SHROOM3: variants seen among roughly 807,000 people sequenced by gnomAD.
SHROOM3 encodes the protein shroom family member 3.
In SHROOM3, 47 loss-of-function variants were observed where a neutral mutation model predicts 138.6. That is an observed-to-expected ratio of 0.34 (90% confidence interval 0.27 to 0.43). The LOEUF (loss-of-function observed/expected upper bound fraction) is 0.43, where lower values mean the gene tolerates loss of function less well. SHROOM3 is among the 20% of genes least tolerant of loss of function. The pLI, the probability that SHROOM3 is intolerant of heterozygous loss-of-function variation, is 1.00. For synonymous variants in SHROOM3, 1,062 were observed against 1,063.3 expected, an observed-to-expected ratio of 1.00 and a Z score of 0.02; for missense variants, 2,491 against 2,596.5, an observed-to-expected ratio of 0.96 and a Z score of 0.88.
At chr4:76,497,161 T>C (rs1731985846) in intron 1 of SHROOM3, among the ~76,000 whole-genome samples, 1 of 152,240 alleles carries the variant, frequency 6.6e-6, no homozygotes, top group South Asian at 2.1e-4. Flanking sequence ...AAATAACTTC[T>C]TACTCACTTT....
At chr4:76,613,832 A>G (rs1009451364) in intron 2 of SHROOM3, among the ~76,000 whole-genome samples, 1 of 152,118 alleles carries the variant, frequency 6.6e-6, no homozygotes, top group Non-Finnish European at 1.5e-5. Flanking sequence ...ACAACACAAT[A>G]TCACTTTTGC....
In SHROOM3 at chr4:76,630,011, T is replaced by C. The variant is rs189930324; in HGVS notation, c.323+74248T>C. On this transcript the variant is annotated intron_variant, in intron 2 of 10. Coordinates refer to ENST00000296043, the MANE Select transcript of SHROOM3 (RefSeq NM_020859.4). ...TCCCGTCTCAAGAAGTTGCAGCCAA[T>C]GACACAGGACTCAGTCTAGTCCTCT... is the stretch of plus-strand genomic sequence containing the variant. Among the ~76,000 whole-genome samples, 196 of 152,276 alleles carry C rather than the reference T, an allele frequency of 1.3e-3. 1 individual carries two copies. The highest frequency in any genetic ancestry group is 3.3e-3 in the Admixed American group (51 of 15,292).
rs527467175 is a variant in SHROOM3 at position 76,754,379 on chromosome 4, G to T, written c.3896G>T (p.Trp1299Leu). 5.0e-6 allele frequency: 8 copies of T among 1,614,124 alleles called. No homozygotes were observed. The highest frequency in any genetic ancestry group is 1.3e-5 in the African/African-American group (1 of 75,028). The change falls in exon 7 of 11, where the codon TGG becomes TTG. Residue 1299 changes from tryptophan to leucine, a missense_variant. Around this residue, in one of 4 missense-constraint regions of SHROOM3, gnomAD observed 1,733 missense variants for 1,661.6 expected, o/e 1.04. Coordinates refer to ENST00000296043, the MANE Select transcript of SHROOM3 (RefSeq NM_020859.4). ...CTCTTCCACCATCTCACCCCTCGTT[G>T]GGGTGGTTCAGGCTGCAAAGCCATT... ...LPLFHHLTPR[W>L]GGSGCKAIGD... is the part of the protein sequence containing the mutation.
intron 4 of SHROOM3, among the ~76,000 whole-genome samples, chr4:76,737,026 G>C (rs1413437505): frequency 6.6e-6 from 1 of 152,166 alleles, no homozygotes; most frequent in East Asian, 1.9e-4. Flanking sequence ...CATCATTATA[G>C]TATCGTACAG....
intron 1 of SHROOM3, among the ~76,000 whole-genome samples, chr4:76,466,906 C>T (rs1463645389): frequency 6.6e-6 from 1 of 152,004 alleles, no homozygotes; most frequent in Non-Finnish European, 1.5e-5. Context: ...AAGTAAAATA[C>T]TAATAAAATA....
In SHROOM3 at chr4:76,549,210, T is replaced by C. The variant is rs535236029; in HGVS notation, c.169-6399T>C. On this transcript the variant is annotated intron_variant, in intron 1 of 10. Transcript: ENST00000296043. ...GTGGATAATTGGTACAAACTTACGA[T>C]GTATGCATTTAGTTAGCCTCAGTAC... Among the ~76,000 whole-genome samples, 66 of 152,320 alleles carry C rather than the reference T, an allele frequency of 4.3e-4. 2 individuals are homozygous for C. Among genetic ancestry groups the C allele is most frequent in the African/African-American group, 1.5e-3 (64 of 41,568 alleles).
Position 76,742,133 on chromosome 4 carries a change from G to A in SHROOM3, c.3753+207G>A, listed in dbSNP as rs547125490. On this transcript the variant is annotated intron_variant, in intron 5 of 10. Transcript: ENST00000296043. ...ATAAAGATATAGGTATCTAGATTAC[G>A]TATGTTGTTATACAGATTCTCTATC... 83 of 694,660 alleles carry A rather than the reference G, an allele frequency of 1.2e-4. 6 individuals carry two copies. In the Middle Eastern group the frequency reaches 0.016, roughly 138 times the overall value. The allele number at this position is 694,660 out of a possible 1,614,324, so 43.0% of individuals were successfully genotyped here. A position where few individuals can be genotyped will look rare whatever the true frequency, so the allele number is the denominator to read the frequency against.
At chr4:76,473,336 G>A (rs1476007723) in intron 1 of SHROOM3, among the ~76,000 whole-genome samples, 1 of 152,204 alleles carries the variant, frequency 6.6e-6, no homozygotes, top group Non-Finnish European at 1.5e-5. Context: ...GGCTGGGTGT[G>A]GTGGCTCATG....
At chr4:76,610,984 C>G (rs147915271) in intron 2 of SHROOM3, among the ~76,000 whole-genome samples, 1 of 152,214 alleles carries the variant, frequency 6.6e-6, no homozygotes, top group East Asian at 1.9e-4. Context: ...CATTTGTCCT[C>G]CACTGTGGAT....
chr4:76,723,258 G>A (rs535696585), intron 3 of SHROOM3, among the ~76,000 whole-genome samples: 5 of 151,990 alleles, frequency 3.3e-5, no homozygotes, highest in Non-Finnish European at 7.4e-5. Flanking sequence ...TACAGCCTCG[G>A]TGGCCCAATA....
At chr4:76,506,030 A>G (rs1245508614) in intron 1 of SHROOM3, among the ~76,000 whole-genome samples, 1 of 152,136 alleles carries the variant, frequency 6.6e-6, no homozygotes, top group Non-Finnish European at 1.5e-5. Context: ...TACACCATAG[A>G]ATACTACGTA....
intron 1 of SHROOM3, among the ~76,000 whole-genome samples, chr4:76,487,477 T>G (rs28715355): frequency 0.014 from 2,127 of 152,298 alleles, 52 homozygotes; most frequent in African/African-American, 0.049. Flanking sequence ...GTGAAATTGC[T>G]GGAGAGAAAG....
chr4:76,650,991 G>C (rs1379483563), intron 2 of SHROOM3, among the ~76,000 whole-genome samples: 1 of 152,154 alleles, frequency 6.6e-6, no homozygotes, highest in Non-Finnish European at 1.5e-5. Context: ...AACATGGATG[G>C]AACTGGAGAT....
intron 1 of SHROOM3, among the ~76,000 whole-genome samples, chr4:76,522,958 ATACTAT>A (rs1732597272): frequency 6.6e-6 from 1 of 152,188 alleles, no homozygotes; most frequent in Admixed American, 6.5e-5. Flanking sequence ...ACATATGGCT[ATACTAT>A]TAGTTTCCTA....
chr4:76,503,744 G>C (rs946404027), intron 1 of SHROOM3, among the ~76,000 whole-genome samples: 1 of 152,094 alleles, frequency 6.6e-6, no homozygotes, highest in African/African-American at 2.4e-5. Context: ...ATTGATTTTT[G>C]TATATTCACC....
intron 2 of SHROOM3, among the ~76,000 whole-genome samples, chr4:76,602,637 T>C (rs1034584422): frequency 6.6e-6 from 1 of 152,218 alleles, no homozygotes; most frequent in African/African-American, 2.4e-5. Context: ...ATTGGATCTC[T>C]CTTGGTCCAG....
chr4:76,742,496 G>A (rs1721294895), intron 5 of SHROOM3, among the ~76,000 whole-genome samples: 1 of 151,994 alleles, frequency 6.6e-6, no homozygotes, highest in Admixed American at 6.6e-5. Context: ...TATTATACAT[G>A]TCAGACCCCT....
chr4:76,671,517 T>C (rs1330856400), intron 2 of SHROOM3, among the ~76,000 whole-genome samples: 2 of 152,214 alleles, frequency 1.3e-5, no homozygotes, highest in African/African-American at 4.8e-5. Flanking sequence ...CATCTTCCCT[T>C]TCCTGGGTCT....
intron 1 of SHROOM3, among the ~76,000 whole-genome samples, chr4:76,472,943 G>A (rs763503207): frequency 2.0e-5 from 3 of 152,118 alleles, no homozygotes; most frequent in Non-Finnish European, 4.4e-5. Context: ...TCCGCCCACC[G>A]CGGCTTCCCA....
Sources: allele counts gnomAD v4.1 joint callset (sites outside exome capture counted in the v4.1 genomes callset), GRCh38; gene constraint gnomAD v4.1.1; regional missense constraint gnomAD v4.1.1; transcripts MANE v1.5; gene names NCBI Gene and HGNC (gene_info 2026-07-23, HGNC 2026-07-21).